The following DMD variants were observed in gnomAD, a reference collection of about 807,000 sequenced individuals.
DMD encodes mutant dystrophin.
In DMD, 63 loss-of-function variants were observed where a neutral mutation model predicts 330.1. That is an observed-to-expected ratio of 0.19 (90% CI 0.16 to 0.24). The LOEUF (loss-of-function observed/expected upper bound fraction) is 0.24. DMD is among the 10% of genes least tolerant of loss of function. The probability of loss-of-function intolerance (pLI) is 1.00; values close to 1 mark genes in which losing one functional copy is unlikely to be tolerated. For synonymous variants in DMD, 1,223 were observed against 959.8 expected (o/e 1.27, Z -5.07); for missense variants, 3,344 against 2,684.1 (o/e 1.25, Z -5.43).
At chrX:32,541,005 T>C (rs1340841003) in intron 17 of DMD, among the ~76,000 whole-genome samples, 2 of 111,452 alleles carry the variant, frequency 1.8e-5, no homozygotes, top group African/African-American at 6.5e-5. Flanking sequence ...CAGTGAGGTA[T>C]ATGGCTCAGG....
At chrX:33,319,078 T>C (rs1012609366) in intron 1 of DMD, among the ~76,000 whole-genome samples, 1 of 109,425 alleles carries the variant, frequency 9.1e-6, no homozygotes, top group Non-Finnish European at 1.9e-5. Flanking sequence ...CTTCATCATA[T>C]AAGGACACAG....
At chrX:32,243,224 A>T (rs1357996833) in intron 43 of DMD, among the ~76,000 whole-genome samples, 4 of 110,804 alleles carry the variant, frequency 3.6e-5, no homozygotes, top group South Asian at 7.6e-4. Flanking sequence ...AATAATAAAA[A>T]TAACTTCAAA....
chrX:31,222,938 G>A (rs1014946251), intron 64 of DMD, 109 bp downstream of exon 64: 1 of 652,084 alleles, frequency 1.5e-6, no homozygotes, highest in African/African-American at 2.2e-5. Flanking sequence ...ATTGCAACAG[G>A]AATTGTGACA....
intron 44 of DMD, among the ~76,000 whole-genome samples, chrX:32,009,053 T>C (rs1029735399): frequency 1.8e-5 from 2 of 111,015 alleles, no homozygotes; most frequent in Non-Finnish European, 3.8e-5. Context: ...TAGTGAGAGA[T>C]TGGTAATGGG....
intron 29 of DMD, among the ~76,000 whole-genome samples, chrX:32,424,817 A>C (rs939892686): frequency 9.0e-6 from 1 of 110,862 alleles, no homozygotes; most frequent in African/African-American, 3.3e-5. Context: ...AAATACATGA[A>C]ATTCACATTT....
chrX:33,185,466 C>T (rs1310587883), intron 1 of DMD, among the ~76,000 whole-genome samples: 3 of 111,268 alleles, frequency 2.7e-5, no homozygotes, highest in African/African-American at 9.8e-5. Flanking sequence ...CAAATATTCA[C>T]ACTCCCCCAG....
chrX:32,656,140 G>A (rs1348726932), intron 9 of DMD, among the ~76,000 whole-genome samples: 1 of 111,896 alleles, frequency 8.9e-6, no homozygotes, highest in Non-Finnish European at 1.9e-5. Context: ...CTTGCAGTTA[G>A]ATGTGGCATG....
At position 32,614,374 on chromosome X, in the gene DMD, T is replaced by C. The variant is rs369834329; in HGVS notation, c.1411A>G (p.Thr471Ala). 21 of 1,206,005 alleles carry C rather than the reference T, an allele frequency of 1.7e-5. No homozygotes were observed. Among genetic ancestry groups the C allele is most frequent in the Non-Finnish European group, 2.2e-5 (20 of 892,919 alleles). Reference sequence around the variant, plus strand: ...AGAGGCTCTTCCTCCATTTTCCTTGTTCTTTCTTCTGTTTTTGTTAGCCAG... The same window carrying C: ...AGAGGCTCTTCCTCCATTTTCCTTGCTCTTTCTTCTGTTTTTGTTAGCCAG... ...NDWLTKTEERTRKMEEEPLGP... is the reference protein window; with the variant it reads ...NDWLTKTEERARKMEEEPLGP... Residue 471 changes from threonine to alanine, a missense_variant, in exon 12 of 79, where the codon ACA becomes GCA. By Grantham distance (58) the Thr-to-Ala change is moderately conservative. Transcript: ENST00000357033.
intron 44 of DMD, among the ~76,000 whole-genome samples, chrX:32,081,265 G>C (rs1439088982): frequency 8.9e-6 from 1 of 112,175 alleles, no homozygotes; most frequent in Non-Finnish European, 1.9e-5. Context: ...CAACAACAGA[G>C]TGCACACTGC....
chrX:32,901,423 C>A (rs963490690), intron 2 of DMD, among the ~76,000 whole-genome samples: 3 of 109,258 alleles, frequency 2.7e-5, no homozygotes, highest in Middle Eastern at 4.7e-3. Flanking sequence ...AAACTACAGT[C>A]AGCCAAGCAA....
At chrX:33,026,116 A>T (rs2093991518) in intron 1 of DMD, among the ~76,000 whole-genome samples, 1 of 108,835 alleles carries the variant, frequency 9.2e-6, no homozygotes, top group African/African-American at 3.3e-5. Context: ...TGGGCGGATC[A>T]TGAGGTCAGG....
chrX:32,882,072 G>A (rs774264013), intron 2 of DMD, among the ~76,000 whole-genome samples: 1 of 112,073 alleles, frequency 8.9e-6, no homozygotes, highest in Non-Finnish European at 1.9e-5. Flanking sequence ...TTTTTCAAAA[G>A]CTTAGAGAAT....
chrX:32,310,090 A>C lies in DMD; in HGVS notation c.6109T>G (p.Ser2037Ala). 8.3e-7 allele frequency: 1 copy of C among 1,207,429 alleles called. No homozygotes were observed. Among genetic ancestry groups the C allele is most frequent in the African/African-American group, 1.7e-5 (1 of 57,450 alleles). Residue 2037 changes from serine to alanine, a missense_variant, in exon 42 of 79, where the codon TCT (serine) becomes GCT (alanine). Coordinates refer to ENST00000357033, the MANE Select transcript of DMD (RefSeq NM_004006.3). The stretch of plus-strand genomic sequence containing the variant: ...AAGTGCTTTGGTTTTACCTTCAGAG[A>C]CTCCTCTTGCTTAAAGAGATCTTCA... ...DFEDLFKQEE[S>A]LKNIKDSLQQ...
In DMD at chrX:31,679,526, T is replaced by C; in HGVS notation, c.7721A>G (p.Gln2574Arg). Reference protein sequence around the residue: ...VQEHLQNRRQQLNEMLKDSTQ... With the variant: ...VQEHLQNRRQRLNEMLKDSTQ... ...TGAATCCTTTAACATTTCATTCAAC[T>C]GTTGCCTCCGGTTCTGAAGGTGTTC... Residue 2574 changes from glutamine (Q) to arginine (R), a missense_variant, in exon 53 of 79, where the codon CAG becomes CGG. Coordinates refer to ENST00000357033, the MANE Select transcript of DMD (RefSeq NM_004006.3). The C allele has an allele frequency of 8.3e-7, 1 of 1,211,871 alleles. No individual in the cohort carries two copies. Among genetic ancestry groups the C allele is most frequent in the African/African-American group, 1.7e-5 (1 of 57,879 alleles).
chrX:31,899,828 T>G (rs1015326181), intron 47 of DMD, among the ~76,000 whole-genome samples: 1 of 111,194 alleles, frequency 9.0e-6, no homozygotes, highest in Non-Finnish European at 1.9e-5. Flanking sequence ...TAGCTCAACC[T>G]AATTTTTCTA....
intron 62 of DMD, among the ~76,000 whole-genome samples, chrX:31,284,180 T>C (rs2052846685): frequency 1.8e-5 from 2 of 111,911 alleles, no homozygotes; most frequent in Non-Finnish European, 3.8e-5. Flanking sequence ...GTTGTGTGGA[T>C]ACCTGAAGTA....
At chrX:31,251,260 C>T (rs1228794079) in intron 63 of DMD, among the ~76,000 whole-genome samples, 6 of 109,533 alleles carry the variant, frequency 5.5e-5, no homozygotes, top group Admixed American at 4.9e-4. Flanking sequence ...CCTCTGGAAG[C>T]GCTGGGACTA....
chrX:32,436,604 A>T (rs1037849902), intron 29 of DMD, among the ~76,000 whole-genome samples: 6 of 111,717 alleles, frequency 5.4e-5, no homozygotes, highest in South Asian at 7.5e-4. Context: ...AGTTAATACC[A>T]AGATCAAGTT....
chrX:32,564,121 T>A (rs945593780), intron 16 of DMD, among the ~76,000 whole-genome samples: 2 of 111,326 alleles, frequency 1.8e-5, no homozygotes, highest in African/African-American at 6.5e-5. Context: ...TATCACAGCT[T>A]ATGGATGAGA....
Sources: allele counts gnomAD v4.1 joint callset (sites outside exome capture counted in the v4.1 genomes callset), GRCh38; gene constraint gnomAD v4.1.1; transcripts MANE v1.5; gene names NCBI Gene and HGNC (gene_info 2026-07-23, HGNC 2026-07-21).